The following SIN3B variants were observed in gnomAD, a reference collection of about 807,000 sequenced individuals.
SIN3B encodes the protein SIN3 transcription regulator family member B, also known as paired amphipathic helix protein Sin3b.
In SIN3B, 19 loss-of-function variants were observed where a neutral mutation model predicts 120.2. That is an observed-to-expected ratio of 0.16 (90% confidence interval 0.11 to 0.23). The LOEUF (loss-of-function observed/expected upper bound fraction) is 0.23. SIN3B is among the 10% of genes least tolerant of loss of function. The pLI, the probability that SIN3B is intolerant of heterozygous loss-of-function variation, is 1.00. For missense variants in SIN3B, 1,073 were observed against 1,573.0 expected, an observed-to-expected ratio of 0.68 and a Z score of 5.38; for synonymous variants, 654 against 653.2, an observed-to-expected ratio of 1.00 and a Z score of -0.02.
At chr19:16,851,579 A>G (rs909750666) in intron 6 of SIN3B, 45 bp downstream of exon 6, 12 of 1,530,642 alleles carry the variant, frequency 7.8e-6, no homozygotes, top group African/African-American at 1.4e-5. Flanking sequence ...CGGGGCCCCC[A>G]GCAAATCGGG....
chr19:16,875,285 T>G (rs1186288288), intron 14 of SIN3B, among the ~76,000 whole-genome samples: 1 of 145,082 alleles, frequency 6.9e-6, no homozygotes, highest in Non-Finnish European at 1.5e-5. Flanking sequence ...TTGGGTCTGG[T>G]CTGGTCTGGT....
chr19:16,831,314 C>T (rs570333009), intron 2 of SIN3B, among the ~76,000 whole-genome samples, 180 bp from the exon 3 acceptor site: 16 of 152,200 alleles, frequency 1.1e-4, no homozygotes, highest in African/African-American at 3.4e-4. Context: ...CTGCCTGCCT[C>T]GGCCTCCTAA....
chr19:16,877,757 G>A, intron 17 of SIN3B, 118 bp downstream of exon 17: 1 of 737,048 alleles, frequency 1.4e-6, no homozygotes, highest in South Asian at 1.6e-5. Context: ...GTAGGTGCCT[G>A]CTGTGTGCTG....
intron 9 of SIN3B, chr19:16,863,012 G>A (rs371609573): frequency 9.4e-6 from 14 of 1,493,306 alleles, no homozygotes; most frequent in East Asian, 4.5e-5. Context: ...GCCCTGGCCC[G>A]CTGCCCGTGT....
intron 8 of SIN3B, among the ~76,000 whole-genome samples, chr19:16,859,656 C>T (rs1352244421): frequency 6.6e-6 from 1 of 152,160 alleles, no homozygotes; most frequent in African/African-American, 2.4e-5. Flanking sequence ...GATGGTGTTA[C>T]TCTAGTCTCA....
chr19:16,834,909 CTTTCT>C (rs1971326710), intron 3 of SIN3B, among the ~76,000 whole-genome samples: 1 of 150,774 alleles, frequency 6.6e-6, no homozygotes, highest in Non-Finnish European at 1.5e-5. Flanking sequence ...TTCTTTCTTT[CTTTCT>C]TTTCTTTCTT....
intron 3 of SIN3B, among the ~76,000 whole-genome samples, chr19:16,834,269 C>T (rs1015330380): frequency 2.0e-5 from 3 of 152,220 alleles, no homozygotes; most frequent in Admixed American, 6.5e-5. Flanking sequence ...CTCTGGGTCT[C>T]GTTCCTGTCA....
chr19:16,854,181 CT>C lies in SIN3B; in HGVS notation c.980del (p.Phe327SerfsTer42). The C allele has an allele frequency of 6.2e-7, 1 of 1,612,654 alleles. No individual in the cohort carries two copies. The highest frequency in any genetic ancestry group is 1.1e-5 in the South Asian group (1 of 90,998). On this transcript the variant is annotated frameshift_variant, in exon 8 of 19. Coordinates refer to ENST00000248054, the MANE Select transcript of SIN3B (RefSeq NM_001297595.2). LOFTEE classifies it high-confidence loss of function. ...VLKSQEVYEN[F>X]LRCIALFNQE... ...TGAAGAGCCAGGAGGTGTATGAAAACTTCCTCCGCTGCATCGCACTCTTCAA... is the reference window on the plus strand; with the variant it reads ...TGAAGAGCCAGGAGGTGTATGAAAACTCCTCCGCTGCATCGCACTCTTCAA...
Position 16,851,414 on chromosome 19 carries a change from C to G in SIN3B, c.729C>G (p.Phe243Leu). Residue 243 changes from phenylalanine to leucine, a missense_variant and splice_region_variant, in exon 6 of 19, where the codon TTC (phenylalanine) becomes TTG (leucine). By Grantham distance (22) the Phe-to-Leu change is conservative. Coordinates refer to ENST00000248054, the MANE Select transcript of SIN3B (RefSeq NM_001297595.2). The part of the protein sequence containing the change: ...QFLPEAKRSL[F>L]TGNGPCEMHS... Reference sequence around the variant, plus strand: ...CCACCTCCCACATGTGTCCTTAGTTCACAGGAAACGGGCCGTGCGAGATGC... The same window carrying G: ...CCACCTCCCACATGTGTCCTTAGTTGACAGGAAACGGGCCGTGCGAGATGC... 1 of 1,598,498 alleles carries G rather than the reference C, an allele frequency of 6.3e-7. No homozygotes were observed.
intron 8 of SIN3B, chr19:16,855,370 T>TTCCCCCC (rs1971598418): frequency 1.9e-5 from 1 of 52,942 alleles, no homozygotes; most frequent in Non-Finnish European, 3.6e-5. Context: ...GGAGAAACCT[T>TTCCCCCC]CCCCCCCCCC....
chr19:16,851,599 C>A, intron 6 of SIN3B, 65 bp downstream of exon 6: 2 of 1,506,508 alleles, frequency 1.3e-6, no homozygotes, highest in Non-Finnish European at 1.8e-6. Flanking sequence ...GCCTTCCCAG[C>A]ATGTGACCAG....
chr19:16,870,035 G>A lies in SIN3B; in HGVS notation c.2382G>A (p.Lys794=), dbSNP rs35297167. 2 of 1,609,782 alleles carry A rather than the reference G, an allele frequency of 1.2e-6. No individual in the cohort carries two copies. The highest frequency in any genetic ancestry group is 1.1e-5 in the South Asian group (1 of 90,926). The change falls in exon 13 of 19, where the codon AAG becomes AAA. Residue 794 remains lysine, a synonymous_variant. Transcript: ENST00000248054. ...EKLLCEGRRE[K]GSDPAMELRL... is the part of the protein sequence containing the mutation. ...TGCTGTGTGAGGGCCGCAGGGAGAA[G>A]GGCAGCGACCCCGCCATGGAGCTGC...
chr19:16,853,889 C>T (rs968371518), intron 7 of SIN3B, among the ~76,000 whole-genome samples: 1 of 151,536 alleles, frequency 6.6e-6, no homozygotes, highest in African/African-American at 2.4e-5. Flanking sequence ...GCATGGATCA[C>T]GTGCCTGTGC....
intron 3 of SIN3B, among the ~76,000 whole-genome samples, chr19:16,835,873 T>G (rs1255085329): frequency 6.6e-6 from 1 of 152,212 alleles, no homozygotes; most frequent in Non-Finnish European, 1.5e-5. Context: ...CAGGCTGGAC[T>G]CAAGTGATCC....
intron 3 of SIN3B, among the ~76,000 whole-genome samples, chr19:16,841,079 C>G (rs949609695): frequency 1.4e-4 from 21 of 152,118 alleles, no homozygotes; most frequent in Admixed American, 5.2e-4. Flanking sequence ...AACAGCTCCT[C>G]CTCTGGGGGA....
intron 3 of SIN3B, among the ~76,000 whole-genome samples, chr19:16,832,191 C>CTTTTTTT (rs10528185): frequency 3.3e-4 from 41 of 125,436 alleles, no homozygotes; most frequent in Non-Finnish European, 5.8e-4. Context: ...TGCTGGCCCT[C>CTTTTTTT]TTTTTTTTTT....
At chr19:16,866,272 G>C (rs1220422345) in intron 11 of SIN3B, 101 bp from the exon 12 acceptor site, 8 of 1,226,398 alleles carry the variant, frequency 6.5e-6, no homozygotes, top group Non-Finnish European at 8.0e-6. Flanking sequence ...CCTGGGTCCT[G>C]GACCCCCAGT....
Position 16,876,320 on chromosome 19 carries a change from C to G in SIN3B, c.2766+92C>G. On this transcript the variant is annotated intron_variant, in intron 15 of 18. Transcript: ENST00000248054. This position sits in a 1 kb window ranked among gnomAD's most constrained non-coding sequence, Gnocchi z 7.1. ...TCCTGGGTGGACCCTGGTTCAGCGG[C>G]TGGGACACCGGCCCTGCTGCAGAGC... 6.8e-7 allele frequency: 1 copy of G among 1,466,670 alleles called. No individual in the cohort carries two copies. Among genetic ancestry groups the G allele is most frequent in the African/African-American group, 1.4e-5 (1 of 72,146 alleles). The allele number at this position is 1,466,670 out of a possible 1,614,324, so 90.9% of individuals were successfully genotyped here.
chr19:16,864,224 G>A (rs1971729344), intron 10 of SIN3B, among the ~76,000 whole-genome samples: 1 of 151,710 alleles, frequency 6.6e-6, no homozygotes, highest in Non-Finnish European at 1.5e-5. Context: ...AGCCAGAGAG[G>A]CCGAGGCTGC....
Sources: gnomAD v4.1 joint callset for allele counts (sites outside exome capture counted in the v4.1 genomes callset) on GRCh38, gnomAD v4.1.1 for gene constraint, Gnocchi (gnomAD v3.1) non-coding constraint, MANE v1.5 for transcripts, NCBI Gene and HGNC (gene_info 2026-07-23, HGNC 2026-07-21) for gene names.